The following CCDC57 variants were observed in gnomAD, a reference collection of about 807,000 sequenced individuals.
CCDC57 encodes the protein coiled-coil domain containing 57, also known as coiled-coil domain-containing protein 57.
CCDC57 carries 118 observed loss-of-function variants against 118.9 expected under a neutral mutation model. The observed-to-expected ratio is 0.99, with a 90% CI of 0.86 to 1.16. The LOEUF is 1.16. CCDC57 is among the 50% of genes most tolerant of loss of function. CCDC57 has a pLI of 0.00. For synonymous variants in CCDC57, 527 were observed against 532.9 expected (o/e 0.99, Z 0.15); for missense variants, 1,300 against 1,320.7 (o/e 0.98, Z 0.24).
At chr17:82,123,093 C>T (rs1421028391) in intron 19 of CCDC57, among the ~76,000 whole-genome samples, 1 of 149,558 alleles carries the variant, frequency 6.7e-6, no homozygotes, top group Non-Finnish European at 1.5e-5. Flanking sequence ...TTCCACTGCA[C>T]AGTTTAACCA....
intron 7 of CCDC57, 57 bp downstream of exon 6, chr17:82,193,699 C>G: frequency 2.8e-5 from 41 of 1,469,276 alleles, no homozygotes; most frequent in Non-Finnish European, 3.5e-5. Context: ...GGTTCCACTT[C>G]CCTCCTCTCC....
chr17:82,205,133 G>T (rs1211815192), intron 2 of CCDC57, among the ~76,000 whole-genome samples: 2 of 152,140 alleles, frequency 1.3e-5, no homozygotes, highest in East Asian at 1.9e-4. Flanking sequence ...CACAGGGAAA[G>T]AATTGGACTA....
At chr17:82,119,424 C>G (rs1598676273) in intron 19 of CCDC57, among the ~76,000 whole-genome samples, 1 of 152,024 alleles carries the variant, frequency 6.6e-6, no homozygotes, top group East Asian at 2.0e-4. Context: ...GCCCCTGCAC[C>G]TGTGGGTGCC....
chr17:82,194,197 T>C, intron 5 of CCDC57, 58 bp from the exon 5 acceptor site: 3 of 1,546,258 alleles, frequency 1.9e-6, no homozygotes, highest in Non-Finnish European at 8.9e-7. Flanking sequence ...ACTGAGGCAT[T>C]AGGGGTACAT....
At chr17:82,165,503 C>T (rs568348718) in intron 13 of CCDC57, among the ~76,000 whole-genome samples, 17 of 151,728 alleles carry the variant, frequency 1.1e-4, no homozygotes, top group South Asian at 2.1e-4. Context: ...AAAAAAAGGC[C>T]GAAGAGAAGC....
chr17:82,149,935 TGGC>T (rs1419384619), intron 16 of CCDC57, among the ~76,000 whole-genome samples: 2 of 120,458 alleles, frequency 1.7e-5, no homozygotes, highest in African/African-American at 6.6e-5. Context: ...ACCCAGAACC[TGGC>T]GCACATCCAG....
chr17:82,136,608 G>GT (rs1340370238), intron 16 of CCDC57, among the ~76,000 whole-genome samples: 2 of 146,486 alleles, frequency 1.4e-5, no homozygotes, highest in African/African-American at 2.5e-5. Flanking sequence ...AAGAAAACTA[G>GT]TTTTTTTGAG....
intron 19 of CCDC57, among the ~76,000 whole-genome samples, chr17:82,117,999 C>T (rs1205555045): frequency 6.6e-6 from 1 of 152,170 alleles, no homozygotes; most frequent in East Asian, 1.9e-4. Context: ...GTCCAAGTGT[C>T]CACAAACATC....
rs779173860 is a variant in CCDC57 at position 82,127,974 on chromosome 17, C to A, written c.2683-66G>T. On this transcript the variant is annotated intron_variant, in intron 18 of 19. Transcript: ENST00000665763. ...CCCAGAGGAAGCCACAGGACTCCCC[C>A]CAACCACTCCCCTCGGAGCAGTAAG... 504 of 1,575,952 alleles carry A rather than the reference C, an allele frequency of 3.2e-4. 1 individual carries two copies. Among genetic ancestry groups the A allele is most frequent in the Non-Finnish European group, 3.9e-4 (455 of 1,168,036 alleles).
At chr17:82,128,220 C>A (rs1158492624) in intron 18 of CCDC57, among the ~76,000 whole-genome samples, 1 of 152,154 alleles carries the variant, frequency 6.6e-6, no homozygotes, top group Admixed American at 6.5e-5. Context: ...AAATGCAGGG[C>A]AGATACCCTG....
At chr17:82,148,172 T>C (rs2041139701) in intron 16 of CCDC57, among the ~76,000 whole-genome samples, 2 of 128,118 alleles carry the variant, frequency 1.6e-5, no homozygotes, top group Non-Finnish European at 3.3e-5. Flanking sequence ...GATGGATGAA[T>C]AGATAGGTGG....
At chr17:82,151,509 A>C (rs2042069312) in intron 16 of CCDC57, 51 bp downstream of exon 15, 1 of 1,524,922 alleles carries the variant, frequency 6.6e-7, no homozygotes. Flanking sequence ...CCAGGTGCAC[A>C]CCCAGAACCT....
intron 7 of CCDC57, 109 bp from the exon 7 acceptor site, chr17:82,188,528 T>C: frequency 8.6e-7 from 1 of 1,156,252 alleles, no homozygotes; most frequent in Non-Finnish European, 1.2e-6. Context: ...TGCTGCTGTA[T>C]GTCTGCCTCA....
chr17:82,104,179 G>A (rs945585623), intron 19 of CCDC57, among the ~76,000 whole-genome samples: 1 of 152,228 alleles, frequency 6.6e-6, no homozygotes, highest in South Asian at 2.1e-4. Context: ...TCTCTGCCCC[G>A]CCTTCTCGCC....
chr17:82,139,122 C>T (rs573659911), intron 16 of CCDC57, among the ~76,000 whole-genome samples: 1 of 152,332 alleles, frequency 6.6e-6, no homozygotes, highest in Non-Finnish European at 1.5e-5. Flanking sequence ...CATGCTCATC[C>T]AGTTTTAGAA....
chr17:82,103,839 AGGGAGG>A lies in CCDC57; in HGVS notation c.2900-1979_2900-1974del, dbSNP rs1284261138. On this transcript the variant is annotated intron_variant, in intron 19 of 19. Transcript: ENST00000665763. Reference sequence around the variant, plus strand: ...CACAGTCCCCGGGGCAGGGAGGGGCAGGGAGGGGCAGGGAGGGTGAGCTGGCCCCCT... The same window carrying A: ...CACAGTCCCCGGGGCAGGGAGGGGCAGGCAGGGAGGGTGAGCTGGCCCCCT... 9.9e-3 allele frequency among the ~76,000 whole-genome samples: 1,483 copies of A among 149,286 alleles called. 22 individuals carry two copies. The highest frequency in any genetic ancestry group is 0.035 in the African/African-American group (1,427 of 41,106).
intron 15 of CCDC57, among the ~76,000 whole-genome samples, chr17:82,152,578 G>A (rs1028468801): frequency 6.6e-6 from 1 of 152,240 alleles, no homozygotes; most frequent in Non-Finnish European, 1.5e-5. Context: ...CCAACACAAA[G>A]GGATGCCTGG....
rs1362261602 is a variant in CCDC57 at position 82,212,485 on chromosome 17, T to C, written c.-211+300A>G. Among the ~76,000 whole-genome samples, 1 of 150,216 alleles carries C rather than the reference T, an allele frequency of 6.7e-6. No individual in the cohort carries two copies. The highest frequency in any genetic ancestry group is 1.5e-5 in the Non-Finnish European group (1 of 67,738). ...TTGCCGGCGGCGGAACCCGGGGAATTCTCCCGGGGCTGCGGGGCCCTGGTC... is the reference window on the plus strand; with the variant it reads ...TTGCCGGCGGCGGAACCCGGGGAATCCTCCCGGGGCTGCGGGGCCCTGGTC... On this transcript the variant is annotated intron_variant, in intron 1 of 19. Transcript: ENST00000665763. This position sits in a 1 kb window ranked among gnomAD's most constrained non-coding sequence, Gnocchi z 4.1.
intron 8 of CCDC57, among the ~76,000 whole-genome samples, chr17:82,185,980 G>C (rs921617733): frequency 6.6e-6 from 1 of 152,070 alleles, no homozygotes; most frequent in Non-Finnish European, 1.5e-5. Context: ...TAGGACTATA[G>C]GTGAGCACCA....
Sources: gnomAD v4.1 joint callset for allele counts (sites outside exome capture counted in the v4.1 genomes callset) on GRCh38, gnomAD v4.1.1 for gene constraint, Gnocchi (gnomAD v3.1) non-coding constraint, MANE v1.5 for transcripts, NCBI Gene and HGNC (gene_info 2026-07-23, HGNC 2026-07-21) for gene names.